Variants in GRM1 observed in about 807,000 individuals in gnomAD.
GRM1 encodes glutamate metabotropic receptor 1.
A neutral mutation model predicts 90.9 loss-of-function variants in GRM1; 33 were observed. That is an observed-to-expected ratio of 0.36 (90% CI 0.28 to 0.49). The LOEUF is 0.49. GRM1 is among the 20% of genes least tolerant of loss of function. The pLI is 0.99. For missense variants in GRM1, 1,190 were observed against 1,534.3 expected, an observed-to-expected ratio of 0.78 and a Z score of 3.75; for synonymous variants, 700 against 613.2, an observed-to-expected ratio of 1.14 and a Z score of -2.09.
At chr6:146,280,522 G>A (rs1045278360) in intron 2 of GRM1, among the ~76,000 whole-genome samples, 3 of 152,054 alleles carry the variant, frequency 2.0e-5, no homozygotes, top group African/African-American at 7.2e-5. Flanking sequence ...AGAACGCTAT[G>A]GGCCCAGAAT....
intron 2 of GRM1, among the ~76,000 whole-genome samples, chr6:146,208,451 G>A (rs985577794): frequency 1.4e-4 from 21 of 152,086 alleles, no homozygotes; most frequent in African/African-American, 5.1e-4. Context: ...TCTTAAACAA[G>A]TAACATTGGT....
At chr6:146,226,490 G>A (rs1345421162) in intron 2 of GRM1, among the ~76,000 whole-genome samples, 1 of 152,140 alleles carries the variant, frequency 6.6e-6, no homozygotes, top group African/African-American at 2.4e-5. Flanking sequence ...CAGGAAAGAT[G>A]TAATAGATTT....
chr6:146,117,315 CTT>C (rs976905220), intron 1 of GRM1, among the ~76,000 whole-genome samples: 13 of 151,694 alleles, frequency 8.6e-5, no homozygotes. Flanking sequence ...TCTAAACACA[CTT>C]TGTTATTAAT....
At chr6:146,290,102 T>C (rs1056200215) in intron 2 of GRM1, among the ~76,000 whole-genome samples, 2 of 152,132 alleles carry the variant, frequency 1.3e-5, no homozygotes, top group African/African-American at 2.4e-5. Context: ...ACATGATCTG[T>C]AGGGAAAGCC....
intron 2 of GRM1, among the ~76,000 whole-genome samples, chr6:146,284,989 A>G (rs1297647493): frequency 6.6e-6 from 1 of 152,200 alleles, no homozygotes; most frequent in African/African-American, 2.4e-5. Context: ...ACCTCACCCA[A>G]TGAGAGCAAA....
At chr6:146,333,227 A>C (rs974058843) in intron 3 of GRM1, among the ~76,000 whole-genome samples, 14 of 152,272 alleles carry the variant, frequency 9.2e-5, no homozygotes, top group African/African-American at 3.4e-4. Flanking sequence ...AGGCTGGCTG[A>C]TAAGAGACCA....
At chr6:146,357,155 A>G (rs1165098886) in intron 4 of GRM1, among the ~76,000 whole-genome samples, 3 of 144,538 alleles carry the variant, frequency 2.1e-5, no homozygotes, top group Non-Finnish European at 4.7e-5. Context: ...TGAAAAAGAA[A>G]TTTGGATTAA....
rs933858593 is a variant in GRM1, at chr6:146,130,000, T to C, written c.701-29348T>C. On this transcript the variant is annotated intron_variant, in intron 1 of 7. Transcript: ENST00000282753. ...TGGTCAGACTATAAAATTTCAGATG[T>C]ATTGGCTTTAGAAAGGCAATTGTAG... Among the ~76,000 whole-genome samples the C allele has an allele frequency of 4.6e-5, 7 of 152,138 alleles. 1 individual carries two copies. The highest frequency in any genetic ancestry group is 1.3e-4 in the Admixed American group (2 of 15,256).
At chr6:146,028,999 T>G (rs1328686321), upstream of GRM1, among the ~76,000 whole-genome samples, 4 of 152,308 alleles carry the variant, frequency 2.6e-5, no homozygotes, top group East Asian at 7.7e-4. Context: ...CTGCGCCGCC[T>G]GGACCCGTGA....
chr6:146,370,054 G>C lies in GRM1; in HGVS notation c.1602+12360G>C, dbSNP rs1775841323. On this transcript the variant is annotated intron_variant, in intron 5 of 7. Transcript: ENST00000282753. The stretch of plus-strand genomic sequence containing the variant: ...AACTGTCATATCCTCTTGTTGAATT[G>C]ACCCCTTTATCATTATAAAATAGCC... Among the ~76,000 whole-genome samples the C allele has an allele frequency of 2.0e-5, 3 of 151,956 alleles. No homozygotes were observed. The South Asian group carries it at 6.2e-4, about 31-fold the overall frequency.
intron 5 of GRM1, among the ~76,000 whole-genome samples, chr6:146,380,774 A>G (rs1776291920): frequency 1.3e-5 from 2 of 152,056 alleles, no homozygotes; most frequent in African/African-American, 4.8e-5. Flanking sequence ...AAGGCCCTCA[A>G]TGTAGTACCT....
intron 2 of GRM1, among the ~76,000 whole-genome samples, chr6:146,291,258 T>C (rs953951815): frequency 6.6e-6 from 1 of 151,994 alleles, no homozygotes; most frequent in Non-Finnish European, 1.5e-5. Flanking sequence ...CAACATAGTT[T>C]TGGTTCTTTG....
chr6:146,273,472 C>A (rs1782242742), intron 2 of GRM1, among the ~76,000 whole-genome samples: 1 of 152,284 alleles, frequency 6.6e-6, no homozygotes. Context: ...TCTTAAATAA[C>A]TTTTTGTTAA....
At chr6:146,078,360 A>T (rs1776257242) in intron 1 of GRM1, among the ~76,000 whole-genome samples, 1 of 152,198 alleles carries the variant, frequency 6.6e-6, no homozygotes. Flanking sequence ...CAAGATGAAT[A>T]ACTCACTTGA....
Position 146,162,691 on chromosome 6 carries a change from A to G in GRM1, c.950+3094A>G, listed in dbSNP as rs76153252. ...AAAGGCCTTCAAAGCTCCATATTTG[A>G]CCACTTGGAATGAGCTGCTGAGAAT... is the stretch of plus-strand genomic sequence containing the variant. On this transcript the variant is annotated intron_variant, in intron 2 of 7. Transcript: ENST00000282753. Among the ~76,000 whole-genome samples, 1,476 of 152,236 alleles carry G rather than the reference A, an allele frequency of 9.7e-3. 14 individuals carry two copies. Among genetic ancestry groups the G allele is most frequent in the African/African-American group, 0.034 (1,423 of 41,530 alleles).
At chr6:146,421,136 T>C (rs1367406498) in intron 7 of GRM1, among the ~76,000 whole-genome samples, 2 of 152,050 alleles carry the variant, frequency 1.3e-5, no homozygotes, top group Non-Finnish European at 2.9e-5. Context: ...ATAAGAAAGA[T>C]GAATGTGCAT....
chr6:146,350,431 T>C (rs991195442), intron 3 of GRM1, among the ~76,000 whole-genome samples: 2 of 151,926 alleles, frequency 1.3e-5, no homozygotes, highest in Admixed American at 1.3e-4. Context: ...TTTAAGGGGC[T>C]GCTGTCTTCA....
chr6:146,040,372 C>T (rs772642543), intron 1 of GRM1, among the ~76,000 whole-genome samples: 16 of 151,942 alleles, frequency 1.1e-4, no homozygotes, highest in South Asian at 6.2e-4. Flanking sequence ...TTTATGCCTT[C>T]GGATGATGTT....
At chr6:146,098,648 C>G (rs1238430617) in intron 1 of GRM1, among the ~76,000 whole-genome samples, 1 of 151,806 alleles carries the variant, frequency 6.6e-6, no homozygotes, top group African/African-American at 2.4e-5. Context: ...GTGTCCCCAA[C>G]CAAGTCTCAT....
Sources: allele counts gnomAD v4.1 joint callset (sites outside exome capture counted in the v4.1 genomes callset), GRCh38; gene constraint gnomAD v4.1.1; transcripts MANE v1.5; gene names NCBI Gene and HGNC (gene_info 2026-07-23, HGNC 2026-07-21).